The following DBN1 variants were observed in gnomAD, a reference collection of about 807,000 sequenced individuals.
The protein encoded by DBN1 is drebrin.
In DBN1, 21 loss-of-function variants were observed where a neutral mutation model predicts 83.5. The observed-to-expected ratio is 0.25, with a 90% CI of 0.18 to 0.36. The LOEUF (loss-of-function observed/expected upper bound fraction) is 0.36, where lower values mean the gene tolerates loss of function less well. DBN1 is among the 10% of genes least tolerant of loss of function. The probability of loss-of-function intolerance (pLI) is 1.00; values close to 1 mark genes in which losing one functional copy is unlikely to be tolerated. For missense variants in DBN1, 874 were observed against 935.7 expected, an observed-to-expected ratio of 0.93 and a Z score of 0.86; for synonymous variants, 381 against 384.9, an observed-to-expected ratio of 0.99 and a Z score of 0.12.
chr5:177,466,916 C>A lies in DBN1; in HGVS notation c.702G>T (p.Glu234Asp), dbSNP rs1162213431. The change falls in exon 7 of 15, where the codon GAG becomes GAT. Residue 234 changes from glutamate (E) to aspartate (D), a missense_variant. Physicochemically the swap from Glu to Asp is conservative, Grantham distance 45 (BLOSUM62 2). Around this residue, in one of 4 missense-constraint regions of DBN1, gnomAD observed 725 missense variants for 719.7 expected, o/e 1.01. Transcript: ENST00000393565. This position sits in a 1 kb window ranked among gnomAD's most constrained non-coding sequence, Gnocchi z 4.8. ...RYREREQQIEEHRRKQQTLEA... is the reference protein window; with the variant it reads ...RYREREQQIEDHRRKQQTLEA... ...CTCCGGGCGGGCAGGCTCACCTGTG[C>A]TCCTCGATCTGCTGCTCCCGCTCCC... 5 of 1,612,808 alleles carry A rather than the reference C, an allele frequency of 3.1e-6. No homozygotes were observed. The South Asian group carries it at 5.5e-5, about 18-fold the overall frequency.
At position 177,467,552 on chromosome 5, in the gene DBN1, C is replaced by G. The variant is rs747924361; in HGVS notation, c.406G>C (p.Gly136Arg). ...AGAIGQRLSN[G>R]LARLSSPVLH... ...ACAGGGCTGGAGAGTCGCGCCAGCC[C>G]GTTAGAGAGCCGCTGCCCGATGGCA... The change falls in exon 5 of 15, where the codon GGG becomes CGG. Residue 136 changes from glycine to arginine, a missense_variant. Gly to Arg is a moderately radical substitution (Grantham distance 125). Around this residue, in one of 4 missense-constraint regions of DBN1, gnomAD observed 65 missense variants for 97.3 expected, o/e 0.67. Coordinates refer to ENST00000393565, the MANE Select transcript of DBN1 (RefSeq NM_001363541.2). The surrounding 1 kb of genome is among the most constrained non-coding windows in gnomAD (Gnocchi z 9.1). 1.3e-5 allele frequency: 20 copies of G among 1,564,672 alleles called. No homozygotes were observed. Among genetic ancestry groups the G allele is most frequent in the Non-Finnish European group, 1.6e-5 (19 of 1,154,756 alleles).
rs148967726 is a variant in DBN1 at position 177,458,503 on chromosome 5, G to A, written c.1469C>T (p.Thr490Met). The change falls in exon 13 of 15, where the codon ACG becomes ATG. Residue 490 changes from threonine to methionine, a missense_variant. Physicochemically the swap from Thr to Met is moderately conservative, Grantham distance 81. Coordinates refer to ENST00000393565, the MANE Select transcript of DBN1 (RefSeq NM_001363541.2). Reference sequence around the variant, plus strand: ...GGTGTCAGCTGCATCGTGGATCTCCGTGGCGTCAGCTGTGGCAGGCTCCAC... The same window carrying A: ...GGTGTCAGCTGCATCGTGGATCTCCATGGCGTCAGCTGTGGCAGGCTCCAC... ...APVEPATADA[T>M]EIHDAADTIE... is the part of the protein sequence containing the mutation. 6.7e-5 allele frequency: 108 copies of A among 1,613,630 alleles called. No individual in the cohort carries two copies. The highest frequency in any genetic ancestry group is 9.3e-5 in the African/African-American group (7 of 74,906).
Position 177,467,552 on chromosome 5 carries a change from C to T in DBN1, c.406G>A (p.Gly136Arg), listed in dbSNP as rs747924361. 1.9e-6 allele frequency: 3 copies of T among 1,564,790 alleles called. No homozygotes were observed. The highest frequency in any genetic ancestry group is 2.6e-6 in the Non-Finnish European group (3 of 1,154,748). Reference protein sequence around the residue: ...AGAIGQRLSNGLARLSSPVLH... With the variant: ...AGAIGQRLSNRLARLSSPVLH... Reference sequence around the variant, plus strand: ...ACAGGGCTGGAGAGTCGCGCCAGCCCGTTAGAGAGCCGCTGCCCGATGGCA... The same window carrying T: ...ACAGGGCTGGAGAGTCGCGCCAGCCTGTTAGAGAGCCGCTGCCCGATGGCA... Residue 136 changes from glycine (G) to arginine (R), a missense_variant, in exon 5 of 15, where the codon GGG (glycine) becomes AGG (arginine). Physicochemically the swap from Gly to Arg is moderately radical, Grantham distance 125. Transcript: ENST00000393565. This position sits in a 1 kb window ranked among gnomAD's most constrained non-coding sequence, Gnocchi z 9.1.
In DBN1 at chr5:177,458,697, C is replaced by A; in HGVS notation, c.1275G>T (p.Glu425Asp). 1 of 1,521,150 alleles carries A rather than the reference C, an allele frequency of 6.6e-7. No individual in the cohort carries two copies. Among genetic ancestry groups the A allele is most frequent in the Non-Finnish European group, 8.8e-7 (1 of 1,141,164 alleles). 94.2% of individuals were successfully genotyped at this position (1,521,150 alleles called of 1,614,324 possible). A position where few individuals can be genotyped will look rare whatever the true frequency, so the allele number is the denominator to read the frequency against. Residue 425 changes from glutamate (E) to aspartate (D), a missense_variant, in exon 13 of 15, where the codon GAG becomes GAT. Coordinates refer to ENST00000393565, the MANE Select transcript of DBN1 (RefSeq NM_001363541.2). ...PPPPPAQETQ[E>D]PSPILDSEET... ...CCTCACTGTCTAGGATGGGGCTGGGCTCCTGGGTCTCTGTCACAGCACAGG... is the reference window on the plus strand; with the variant it reads ...CCTCACTGTCTAGGATGGGGCTGGGATCCTGGGTCTCTGTCACAGCACAGG...
chr5:177,462,342 C>T (rs1377123239), intron 8 of DBN1: 2 of 985,598 alleles, frequency 2.0e-6, no homozygotes, highest in Middle Eastern at 5.2e-4. Flanking sequence ...CTCCCAAATG[C>T]CTGCTCCCCA....
intron 2 of DBN1, chr5:177,468,643 T>C: frequency 2.3e-6 from 1 of 427,336 alleles, no homozygotes; most frequent in African/African-American, 2.0e-5. Context: ...GCCTCAGAAG[T>C]CCAACATTCA....
At chr5:177,460,828 G>A in intron 8 of DBN1, 125 bp from the exon 9 acceptor site, 3 of 925,166 alleles carry the variant, frequency 3.2e-6, no homozygotes, top group Non-Finnish European at 4.9e-6. Flanking sequence ...CACCCAGGCT[G>A]GGGAGCAGTG....
At chr5:177,465,759 G>A (rs1757401322) in intron 8 of DBN1, among the ~76,000 whole-genome samples, 1 of 151,674 alleles carries the variant, frequency 6.6e-6, no homozygotes, top group South Asian at 2.1e-4. Context: ...GGAGGCTGAG[G>A]CGGGAGAATC....
chr5:177,466,651 G>C lies in DBN1; in HGVS notation c.771+121C>G. ...ATGCTCCATGGCACCCTGTGCCCAT[G>C]CAGCTCCCCAGAACAGCCACCACTG... On this transcript the variant is annotated intron_variant, in intron 8 of 14. Transcript: ENST00000393565. This position sits in a 1 kb window ranked among gnomAD's most constrained non-coding sequence, Gnocchi z 4.8. 2.6e-6 allele frequency: 3 copies of C among 1,144,638 alleles called. No homozygotes were observed. Among genetic ancestry groups the C allele is most frequent in the African/African-American group, 1.5e-5 (1 of 65,802 alleles). 70.9% of individuals were successfully genotyped at this position (1,144,638 alleles called of 1,614,324 possible). A position where few individuals can be genotyped will look rare whatever the true frequency, so the allele number is the denominator to read the frequency against.
rs1421385867 is a variant in DBN1 at position 177,472,437 on chromosome 5, G to A, written c.86+999C>T. ...TTACGGGGGGGTTAAAGGATTCCAG[G>A]ATGGGGCTGTGAGGAACCCCTCGGT... On this transcript the variant is annotated intron_variant, in intron 1 of 14. Coordinates refer to ENST00000393565, the MANE Select transcript of DBN1 (RefSeq NM_001363541.2). 4.4e-6 allele frequency: 6 copies of A among 1,369,188 alleles called. No individual in the cohort carries two copies. The East Asian group carries it at 9.3e-5, about 21-fold the overall frequency. 84.8% of individuals were successfully genotyped at this position (1,369,188 alleles called of 1,614,324 possible). A position where few individuals can be genotyped will look rare whatever the true frequency, so the allele number is the denominator to read the frequency against.
chr5:177,462,371 T>G, intron 8 of DBN1: 1 of 985,560 alleles, frequency 1.0e-6, no homozygotes, highest in Non-Finnish European at 1.2e-6. Flanking sequence ...CCAGGCCCTC[T>G]GGTTTCCAGC....
At chr5:177,472,789 G>A (rs891387964) in intron 1 of DBN1, 48 of 986,458 alleles carry the variant, frequency 4.9e-5, no homozygotes, top group Non-Finnish European at 5.8e-5. Context: ...TGCCTCCTCC[G>A]CGACCCGCGG....
rs1002079781 is a variant in DBN1 at position 177,466,020 on chromosome 5, T to C, written c.771+752A>G. Among the ~76,000 whole-genome samples, 1 of 152,098 alleles carries C rather than the reference T, an allele frequency of 6.6e-6. No individual in the cohort carries two copies. The highest frequency in any genetic ancestry group is 2.4e-5 in the African/African-American group (1 of 41,418). ...CATCCCCACCCCATCCAAGGGCAGA[T>C]GTGACTGGAGTGACTTAATGCTGCT... On this transcript the variant is annotated intron_variant, in intron 8 of 14. Transcript: ENST00000393565. The surrounding 1 kb of genome is among the most constrained non-coding windows in gnomAD (Gnocchi z 4.8).
intron 8 of DBN1, among the ~76,000 whole-genome samples, chr5:177,464,455 AAAAT>A (rs1414453388): frequency 2.0e-5 from 3 of 150,558 alleles, no homozygotes; most frequent in Admixed American, 6.6e-5. Flanking sequence ...CAAAAAAATA[AAAAT>A]AAATAAATAA....
At chr5:177,472,492 C>G in intron 1 of DBN1, 1 of 1,089,380 alleles carries the variant, frequency 9.2e-7, no homozygotes, top group Non-Finnish European at 1.2e-6. Context: ...GGGCCGCCAG[C>G]CCCAGAGCAG....
chr5:177,460,540 T>C lies in DBN1; in HGVS notation c.847A>G (p.Ile283Val). 6.2e-7 allele frequency: 1 copy of C among 1,614,140 alleles called. No individual in the cohort carries two copies. The highest frequency in any genetic ancestry group is 8.5e-7 in the Non-Finnish European group (1 of 1,180,004). The change falls in exon 10 of 15, where the codon ATT becomes GTT. Residue 283 changes from isoleucine to valine, a missense_variant. This residue lies in a region of DBN1 where 725 missense variants were observed against 719.7 expected (regional missense o/e 1.01). Transcript: ENST00000393565. ...ESEVEEAAAI[I>V]AQRPDNPREF... ...CTTGGGTTGTCAGGCCGCTGGGCAA[T>C]AATAGCTGCTGCCTCCTGAGGGCAC...
At chr5:177,461,650 C>T (rs1367512770) in intron 8 of DBN1, among the ~76,000 whole-genome samples, 6 of 152,158 alleles carry the variant, frequency 3.9e-5, no homozygotes, top group Non-Finnish European at 8.8e-5. Flanking sequence ...TCTTGGACCT[C>T]CTACCCTAGT....
rs3828646 is a variant in DBN1, at chr5:177,459,798, C to G, written c.956-58G>C. 580 of 1,405,906 alleles carry G rather than the reference C, an allele frequency of 4.1e-4. 1 individual carries two copies. In the East Asian group the frequency reaches 0.014, roughly 35 times the overall value. 87.1% of individuals were successfully genotyped at this position (1,405,906 alleles called of 1,614,324 possible). On this transcript the variant is annotated intron_variant, in intron 10 of 14. Transcript: ENST00000393565. ...AGGACAAGAGAGGGTCAGTCTCCCC[C>G]ACCCCTGCCCGAGGCCTCTCCCGCC... is the stretch of plus-strand genomic sequence containing the variant.
intron 1 of DBN1, among the ~76,000 whole-genome samples, chr5:177,470,247 C>A (rs914272551): frequency 2.6e-5 from 4 of 152,212 alleles, no homozygotes; most frequent in Admixed American, 1.3e-4. Flanking sequence ...CACCACCTGT[C>A]CTGCTGCCCT....
Sources: gnomAD v4.1 joint callset for allele counts (sites outside exome capture counted in the v4.1 genomes callset) on GRCh38, gnomAD v4.1.1 for gene constraint, gnomAD v4.1.1 regional missense constraint, Gnocchi (gnomAD v3.1) non-coding constraint, MANE v1.5 for transcripts, NCBI Gene and HGNC (gene_info 2026-07-23, HGNC 2026-07-21) for gene names.